Variants in ANO3 observed in about 807,000 individuals in gnomAD.
ANO3 encodes the protein anoctamin 3, also known as anoctamin-3.
A neutral mutation model predicts 144.8 loss-of-function variants in ANO3; 99 were observed. That is an observed-to-expected ratio of 0.68 (90% CI 0.58 to 0.81). The LOEUF (loss-of-function observed/expected upper bound fraction) is 0.81. Ranked by LOEUF, ANO3 falls within the 30% of genes least tolerant of loss-of-function variation. The pLI is 0.00. For synonymous variants in ANO3, 414 were observed against 392.6 expected, an observed-to-expected ratio of 1.05 and a Z score of -0.64; for missense variants, 905 against 1,202.2, an observed-to-expected ratio of 0.75 and a Z score of 3.66.
intron 1 of ANO3, among the ~76,000 whole-genome samples, chr11:26,386,472 A>G (rs1465731753): frequency 6.6e-6 from 1 of 152,192 alleles, no homozygotes; most frequent in Non-Finnish European, 1.5e-5. Flanking sequence ...TCTCGACAAA[A>G]GACTAGTCAA....
intron 1 of ANO3, among the ~76,000 whole-genome samples, chr11:26,301,995 G>T (rs1353917731): frequency 6.6e-6 from 1 of 152,166 alleles, no homozygotes; most frequent in Non-Finnish European, 1.5e-5. Flanking sequence ...AAAAGTAGGG[G>T]AGAGACTGGT....
intron 1 of ANO3, among the ~76,000 whole-genome samples, chr11:26,414,782 AAGTT>A (rs1191828146): frequency 1.3e-5 from 2 of 151,838 alleles, no homozygotes; most frequent in African/African-American, 4.8e-5. Context: ...AAAAGAAAGA[AAGTT>A]AATTCATATC....
chr11:26,508,279 T>C lies in ANO3; in HGVS notation c.591+17T>C. 1.3e-6 allele frequency: 2 copies of C among 1,568,340 alleles called. No individual in the cohort carries two copies. The highest frequency in any genetic ancestry group is 1.7e-6 in the Non-Finnish European group (2 of 1,166,738). On this transcript the variant is annotated intron_variant, in intron 5 of 26. Transcript: ENST00000256737. ...GAGAAGGAGGTAGGTGCTTTACTAT[T>C]ATTAGTTATGTGATAAAATGTGTTG...
In ANO3 at chr11:26,382,926, A is replaced by G. The variant is rs76839226; in HGVS notation, c.46+50605A>G. On this transcript the variant is annotated intron_variant, in intron 1 of 26. Coordinates refer to ENST00000256737, the MANE Select transcript of ANO3 (RefSeq NM_031418.4). Reference sequence around the variant, plus strand: ...TACAAATCCTTATAGGGCAATTACAATTATTCTAACCTGTGATGTCTCTGA... The same window carrying G: ...TACAAATCCTTATAGGGCAATTACAGTTATTCTAACCTGTGATGTCTCTGA... Among the ~76,000 whole-genome samples, 574 of 152,248 alleles carry G rather than the reference A, an allele frequency of 3.8e-3. 4 individuals are homozygous for G. Among genetic ancestry groups the G allele is most frequent in the African/African-American group, 0.013 (555 of 41,564 alleles).
At chr11:26,361,823 A>T (rs952588270) in intron 1 of ANO3, among the ~76,000 whole-genome samples, 5 of 152,136 alleles carry the variant, frequency 3.3e-5, no homozygotes, top group Admixed American at 2.6e-4. Context: ...ACAATTAATT[A>T]TATTCTGCCT....
intron 1 of ANO3, among the ~76,000 whole-genome samples, chr11:26,283,552 A>C (rs760143345): frequency 7.2e-5 from 11 of 151,910 alleles, no homozygotes; most frequent in Non-Finnish European, 1.5e-4. Context: ...ACCAGAACTG[A>C]GAACTAATAG....
At chr11:26,329,646 G>A (rs568523148), upstream of ANO3, among the ~76,000 whole-genome samples, 8 of 152,246 alleles carry the variant, frequency 5.3e-5, 1 homozygote, top group Middle Eastern at 0.01. Flanking sequence ...AAAATCCAAT[G>A]AGGTTCAAAA....
intron 14 of ANO3, among the ~76,000 whole-genome samples, chr11:26,590,646 T>G (rs1851418520): frequency 6.6e-6 from 1 of 152,182 alleles, no homozygotes; most frequent in Non-Finnish European, 1.5e-5. Context: ...TGGAACCCAG[T>G]GACTAGTGTT....
intron 1 of ANO3, among the ~76,000 whole-genome samples, chr11:26,212,434 A>G (rs1484190016): frequency 1.3e-5 from 2 of 151,944 alleles, no homozygotes; most frequent in East Asian, 1.9e-4. Context: ...TAGATACAAT[A>G]AAAATGATAA....
chr11:26,270,362 A>G (rs575941176), intron 1 of ANO3, among the ~76,000 whole-genome samples: 1 of 152,294 alleles, frequency 6.6e-6, no homozygotes, highest in African/African-American at 2.4e-5. Flanking sequence ...TATTGAAAAA[A>G]TCTAACTGAA....
intron 1 of ANO3, among the ~76,000 whole-genome samples, chr11:26,284,747 AC>A (rs1853761877): frequency 6.6e-6 from 1 of 151,556 alleles, no homozygotes; most frequent in Non-Finnish European, 1.5e-5. Flanking sequence ...AAAAAAAAAT[AC>A]AAAAAAAATT....
At chr11:26,410,802 A>C (rs1400384741) in intron 1 of ANO3, among the ~76,000 whole-genome samples, 2 of 152,020 alleles carry the variant, frequency 1.3e-5, no homozygotes, top group Non-Finnish European at 2.9e-5. Flanking sequence ...GGAGCCATTG[A>C]CAATTTTGAA....
At chr11:26,635,142 C>A in intron 20 of ANO3, 72 bp downstream of exon 20, 3 of 1,383,860 alleles carry the variant, frequency 2.2e-6, no homozygotes, top group Non-Finnish European at 3.1e-6. Flanking sequence ...AGGAAGGGAG[C>A]TGAAGAAAGG....
chr11:26,239,870 GT>G (rs1241396077), intron 1 of ANO3, among the ~76,000 whole-genome samples: 2 of 152,188 alleles, frequency 1.3e-5, no homozygotes, highest in African/African-American at 4.8e-5. Context: ...CTCTACTTGA[GT>G]TTTCAGTGAC....
At chr11:26,206,219 G>C (rs1468007805) in intron 1 of ANO3, among the ~76,000 whole-genome samples, 2 of 152,144 alleles carry the variant, frequency 1.3e-5, no homozygotes. Context: ...TTACATATGT[G>C]TGTAGCATCC....
At position 26,257,255 on chromosome 11, in the gene ANO3, G is replaced by C. The variant is rs1853081053; in HGVS notation, c.155-52390G>C. 2.0e-5 allele frequency among the ~76,000 whole-genome samples: 3 copies of C among 151,874 alleles called. 1 individual carries two copies. Among genetic ancestry groups the C allele is most frequent in the Admixed American group, 1.3e-4 (2 of 15,220 alleles). On this transcript the variant is annotated intron_variant, in intron 1 of 27. Transcript: ENST00000672621. ...ATTTTTACTGGACTTACCTAATTTT[G>C]TTTTATACCATTCAATGAAGTTGGT...
chr11:26,624,453 T>G lies in ANO3; in HGVS notation c.1837-9T>G. On this transcript the variant is annotated splice_polypyrimidine_tract_variant and intron_variant, in intron 17 of 26. Transcript: ENST00000256737. ...AATAATGTTCACTATGTATTCTCTT[T>G]TATTACAGGCTTATGAAAAAATTGC... 1 of 1,597,974 alleles carries G rather than the reference T, an allele frequency of 6.3e-7. No homozygotes were observed. The highest frequency in any genetic ancestry group is 8.6e-7 in the Non-Finnish European group (1 of 1,166,748).
chr11:26,540,701 A>G (rs445290), intron 10 of ANO3, among the ~76,000 whole-genome samples: 149,007 of 152,240 alleles, frequency 0.98, 73,003 homozygotes, highest in East Asian at 1. Context: ...AAAAAAGCTT[A>G]TCACCACTGG....
intron 4 of ANO3, among the ~76,000 whole-genome samples, chr11:26,502,117 C>G (rs1262838208): frequency 6.6e-6 from 1 of 152,112 alleles, no homozygotes; most frequent in Non-Finnish European, 1.5e-5. Flanking sequence ...TATCTGTTTC[C>G]AACTGTCTTT....
Sources: gnomAD v4.1 joint callset for allele counts (sites outside exome capture counted in the v4.1 genomes callset) on GRCh38, gnomAD v4.1.1 for gene constraint, MANE v1.5 for transcripts, NCBI Gene and HGNC (gene_info 2026-07-23, HGNC 2026-07-21) for gene names.